The following TNR variants were observed in gnomAD, a reference collection of about 807,000 sequenced individuals.
The protein encoded by TNR is tenascin R.
Under a neutral mutation model 150.4 loss-of-function variants are expected in TNR, and 45 were observed. The observed-to-expected ratio is 0.30, with a 90% CI of 0.24 to 0.38. The LOEUF (loss-of-function observed/expected upper bound fraction) is 0.38, where lower values mean the gene tolerates loss of function less well. TNR is among the 10% of genes least tolerant of loss of function. The pLI is 1.00. For synonymous variants in TNR, 687 were observed against 678.4 expected (o/e 1.01, Z -0.20); for missense variants, 1,544 against 1,759.1 (o/e 0.88, Z 2.19).
At chr1:175,390,692 T>C (rs1300190164) in intron 7 of TNR, among the ~76,000 whole-genome samples, 1 of 152,230 alleles carries the variant, frequency 6.6e-6, no homozygotes, top group Admixed American at 6.5e-5. Context: ...CCATACCTAC[T>C]TATTTTTGAA....
At chr1:175,374,482 G>C (rs533826398) in intron 9 of TNR, among the ~76,000 whole-genome samples, 1 of 152,286 alleles carries the variant, frequency 6.6e-6, no homozygotes, top group East Asian at 1.9e-4. Flanking sequence ...ATGTGTGTAT[G>C]TGCATGTGAG....
At chr1:175,573,917 T>C (rs1304722972) in intron 1 of TNR, among the ~76,000 whole-genome samples, 1 of 152,236 alleles carries the variant, frequency 6.6e-6, no homozygotes, top group Non-Finnish European at 1.5e-5. Context: ...AGGCTTGGCA[T>C]GAGCAATTAA....
intron 2 of TNR, among the ~76,000 whole-genome samples, chr1:175,433,848 C>A (rs78592708): frequency 0.012 from 1,886 of 152,234 alleles, 41 homozygotes; most frequent in African/African-American, 0.042. Context: ...AACATCAAGC[C>A]CATCCATTGC....
At chr1:175,562,298 C>T (rs1420273959) in intron 1 of TNR, among the ~76,000 whole-genome samples, 1 of 152,156 alleles carries the variant, frequency 6.6e-6, no homozygotes, top group African/African-American at 2.4e-5. Flanking sequence ...CTAACCAAGC[C>T]TTCCACCCTC....
chr1:175,654,406 A>G (rs961651637), intron 1 of TNR, among the ~76,000 whole-genome samples: 3 of 152,212 alleles, frequency 2.0e-5, no homozygotes, highest in African/African-American at 4.8e-5. Context: ...TTTGTGGTCT[A>G]TATAAACTAG....
chr1:175,582,605 C>T (rs1177225421), intron 1 of TNR, among the ~76,000 whole-genome samples: 1 of 152,168 alleles, frequency 6.6e-6, no homozygotes, highest in Non-Finnish European at 1.5e-5. Flanking sequence ...GAGAACTCCA[C>T]ATAGTGAGCC....
intron 2 of TNR, among the ~76,000 whole-genome samples, chr1:175,408,487 C>T (rs1486098535): frequency 2.0e-5 from 3 of 152,192 alleles, no homozygotes; most frequent in African/African-American, 4.8e-5. Flanking sequence ...TCAGCCCTTG[C>T]ATTATATACT....
At chr1:175,595,434 C>T (rs962869603) in intron 1 of TNR, among the ~76,000 whole-genome samples, 2 of 152,218 alleles carry the variant, frequency 1.3e-5, no homozygotes, top group Non-Finnish European at 2.9e-5. Context: ...GAGCTTACTC[C>T]TGTGCCTCCC....
chr1:175,552,647 GGAA>G (rs1660993091), intron 1 of TNR, among the ~76,000 whole-genome samples: 1 of 152,134 alleles, frequency 6.6e-6, no homozygotes, highest in Non-Finnish European at 1.5e-5. Context: ...GCACGATTTT[GGAA>G]GAAGTCATTA....
At chr1:175,356,892 A>G (rs1457176896) in intron 15 of TNR, among the ~76,000 whole-genome samples, 2 of 152,204 alleles carry the variant, frequency 1.3e-5, no homozygotes, top group African/African-American at 2.4e-5. Flanking sequence ...GTAACAGTTT[A>G]TCAATGTCCC....
chr1:175,701,182 T>C (rs929095458), intron 1 of TNR, among the ~76,000 whole-genome samples: 4 of 152,332 alleles, frequency 2.6e-5, no homozygotes, highest in Admixed American at 6.5e-5. Context: ...GCCTTTGCAG[T>C]TTCTTTTTTC....
intron 2 of TNR, among the ~76,000 whole-genome samples, chr1:175,439,992 A>G (rs1182373016): frequency 3.3e-5 from 5 of 152,212 alleles, no homozygotes. Flanking sequence ...CTAGAACTAG[A>G]AATACCATTT....
At chr1:175,508,524 A>C (rs1339058383) in intron 2 of TNR, among the ~76,000 whole-genome samples, 7 of 152,218 alleles carry the variant, frequency 4.6e-5, no homozygotes, top group African/African-American at 7.2e-5. Flanking sequence ...CTGGGTTATA[A>C]AAAGGCTGTG....
At chr1:175,692,856 G>T (rs1558075958) in intron 1 of TNR, among the ~76,000 whole-genome samples, 1 of 152,198 alleles carries the variant, frequency 6.6e-6, no homozygotes, top group Non-Finnish European at 1.5e-5. Flanking sequence ...GAACTGGTGA[G>T]GACGTATGCA....
intron 1 of TNR, among the ~76,000 whole-genome samples, chr1:175,600,570 CG>C (rs1366955430): frequency 6.6e-6 from 1 of 152,184 alleles, no homozygotes; most frequent in Non-Finnish European, 1.5e-5. Flanking sequence ...AGGGTTTGCA[CG>C]TAAAGATAGG....
intron 1 of TNR, among the ~76,000 whole-genome samples, chr1:175,733,981 T>A (rs1667709317): frequency 6.6e-6 from 1 of 152,156 alleles, no homozygotes; most frequent in Admixed American, 6.5e-5. Context: ...AAGAGCTATC[T>A]TATTTGGTCA....
intron 4 of TNR, 81 bp from the exon 5 acceptor site, chr1:175,396,888 T>C: frequency 4.6e-6 from 7 of 1,530,378 alleles, no homozygotes; most frequent in Middle Eastern, 1.9e-4. Flanking sequence ...TCCTCACATC[T>C]CACCCCCCAT....
At chr1:175,737,622 C>T (rs1241067211) in intron 1 of TNR, among the ~76,000 whole-genome samples, 1 of 152,218 alleles carries the variant, frequency 6.6e-6, no homozygotes, top group Non-Finnish European at 1.5e-5. Flanking sequence ...AGACTTCCCC[C>T]TTTGTCTTTC....
At chr1:175,667,021 G>A (rs1396538683) in intron 1 of TNR, among the ~76,000 whole-genome samples, 1 of 152,100 alleles carries the variant, frequency 6.6e-6, no homozygotes, top group African/African-American at 2.4e-5. Context: ...CCAAAGTGCT[G>A]GGATTATAGG....
Sources: allele counts gnomAD v4.1 joint callset (sites outside exome capture counted in the v4.1 genomes callset), GRCh38; gene constraint gnomAD v4.1.1; transcripts MANE v1.5; gene names NCBI Gene and HGNC (gene_info 2026-07-23, HGNC 2026-07-21).